LOC128092252: variants seen among roughly 807,000 people sequenced by gnomAD.
At chr15:50,669,591 G>C in the LOC128092252 span, among the ~76,000 whole-genome samples, 1 of 152,096 alleles carries the variant, frequency 6.6e-6, no homozygotes, top group African/African-American at 2.4e-5. Context: ...GTATAACAAA[G>C]CAAATCGGTC....
the LOC128092252 span, chr15:50,648,872 G>A: frequency 5.0e-6 from 8 of 1,604,726 alleles, no homozygotes; most frequent in East Asian, 4.5e-5. Flanking sequence ...TTGACCAAGC[G>A]ACCACAAAAA....
chr15:50,683,492 T>C, the LOC128092252 span, among the ~76,000 whole-genome samples: 3 of 150,466 alleles, frequency 2.0e-5, no homozygotes, highest in East Asian at 5.9e-4. Flanking sequence ...CCCAACACTT[T>C]GGGAGGCCGA....
the LOC128092252 span, among the ~76,000 whole-genome samples, chr15:50,670,686 G>A: frequency 2.6e-5 from 4 of 151,212 alleles, no homozygotes; most frequent in Non-Finnish European, 5.9e-5. Context: ...ATATAATCAG[G>A]AAATAACCAT....
the LOC128092252 span, chr15:50,662,827 T>G: frequency 1.4e-5 from 10 of 703,078 alleles, no homozygotes; most frequent in Non-Finnish European, 2.4e-5. Flanking sequence ...CCTCCCAAAT[T>G]AAATGATTAA....
the LOC128092252 span, among the ~76,000 whole-genome samples, chr15:50,649,274 A>G: frequency 6.6e-5 from 10 of 152,050 alleles, no homozygotes; most frequent in Non-Finnish European, 1.5e-4. Flanking sequence ...CTGACTTGAC[A>G]AAAAATTTTA....
At chr15:50,678,745 T>A in the LOC128092252 span, among the ~76,000 whole-genome samples, 1 of 152,018 alleles carries the variant, frequency 6.6e-6, no homozygotes, top group Non-Finnish European at 1.5e-5. Flanking sequence ...TTTAAAAACT[T>A]AAGGCCAGGT....
At chr15:50,666,468 GGAAGAGGAA>G in the LOC128092252 span, among the ~76,000 whole-genome samples, 162 of 151,442 alleles carry the variant, frequency 1.1e-3, no homozygotes, top group Non-Finnish European at 1.8e-3. Flanking sequence ...AAGAAGAGGA[GGAAGAGGAA>G]GAAGAGGAAG....
At chr15:50,655,238 A>G in the LOC128092252 span, among the ~76,000 whole-genome samples, 1 of 151,456 alleles carries the variant, frequency 6.6e-6, no homozygotes, top group Non-Finnish European at 1.5e-5. Context: ...GTTCAAGACC[A>G]CCCTGACCAT....
the LOC128092252 span, among the ~76,000 whole-genome samples, chr15:50,659,596 T>G: frequency 4.6e-5 from 7 of 152,240 alleles, no homozygotes; most frequent in African/African-American, 1.4e-4. Context: ...ATACCTTGAG[T>G]GCTTTTATTA....
chr15:50,660,184 T>C, the LOC128092252 span, among the ~76,000 whole-genome samples: 1 of 152,116 alleles, frequency 6.6e-6, no homozygotes, highest in African/African-American at 2.4e-5. Flanking sequence ...GAAATCAGAA[T>C]AAATCATAGA....
chr15:50,655,963 T>A, the LOC128092252 span, among the ~76,000 whole-genome samples: 1 of 148,710 alleles, frequency 6.7e-6, no homozygotes, highest in African/African-American at 2.5e-5. Flanking sequence ...GTATGCCATC[T>A]AGCCTGGGCA....
chr15:50,658,786 T>C, the LOC128092252 span, among the ~76,000 whole-genome samples: 14 of 152,304 alleles, frequency 9.2e-5, no homozygotes, highest in African/African-American at 3.1e-4. Flanking sequence ...TACAAGGTCG[T>C]TGACTGCAGA....
chr15:50,661,416 T>C, the LOC128092252 span, among the ~76,000 whole-genome samples: 1 of 152,208 alleles, frequency 6.6e-6, no homozygotes, highest in African/African-American at 2.4e-5. Context: ...TTATTAATAA[T>C]GACAGTCTTA....
the LOC128092252 span, among the ~76,000 whole-genome samples, chr15:50,652,742 C>T: frequency 8.0e-4 from 122 of 152,008 alleles, 2 homozygotes; most frequent in Admixed American, 4.0e-3. Flanking sequence ...AAAACCAGCC[C>T]GTAATTCCAG....
chr15:50,683,004 TC>T, the LOC128092252 span, among the ~76,000 whole-genome samples: 1 of 151,698 alleles, frequency 6.6e-6, no homozygotes, highest in Non-Finnish European at 1.5e-5. Context: ...CACCTCAGCC[TC>T]CCAAGTAGCT....
At chr15:50,651,036 C>T in the LOC128092252 span, among the ~76,000 whole-genome samples, 1 of 151,778 alleles carries the variant, frequency 6.6e-6, no homozygotes, top group African/African-American at 2.4e-5. Flanking sequence ...AACATACAAA[C>T]GTTAGTCGGG....
chr15:50,653,739 G>T, the LOC128092252 span, among the ~76,000 whole-genome samples: 1 of 152,042 alleles, frequency 6.6e-6, no homozygotes, highest in African/African-American at 2.4e-5. Flanking sequence ...CAGAGAAAAG[G>T]GAGCTATAAA....
the LOC128092252 span, among the ~76,000 whole-genome samples, chr15:50,651,664 G>A: frequency 0.54 from 81,758 of 151,726 alleles, 22,231 homozygotes; most frequent in Admixed American, 0.62. Flanking sequence ...TTAAAGAAAA[G>A]AAGACTGTGG....
the LOC128092252 span, among the ~76,000 whole-genome samples, chr15:50,679,277 G>T: frequency 6.6e-6 from 1 of 150,620 alleles, no homozygotes; most frequent in African/African-American, 2.4e-5. Flanking sequence ...TGGGAATACA[G>T]TAAGCCATGA....
Sources: allele counts gnomAD v4.1 joint callset (sites outside exome capture counted in the v4.1 genomes callset), GRCh38; gene constraint gnomAD v4.1.1; transcripts MANE v1.5.